NFIA: variants seen among roughly 807,000 people sequenced by gnomAD.
NFIA encodes nuclear factor I A.
A neutral mutation model predicts 62.8 loss-of-function variants in NFIA; 8 were observed. The ratio of observed to expected loss-of-function variants is 0.13; its 90% CI spans 0.07 to 0.23. The LOEUF (loss-of-function observed/expected upper bound fraction) is 0.23, where lower values mean the gene tolerates loss of function less well. Among genes scored for constraint, NFIA ranks in the 10% least tolerant of loss-of-function variants. NFIA has a pLI of 1.00. For synonymous variants in NFIA, 235 were observed against 238.1 expected (o/e 0.99, Z 0.12); for missense variants, 410 against 642.1 (o/e 0.64, Z 3.91).
At chr1:61,450,164 T>C (rs1240405797) in intron 10 of NFIA, among the ~76,000 whole-genome samples, 1 of 152,180 alleles carries the variant, frequency 6.6e-6, no homozygotes, top group Non-Finnish European at 1.5e-5. Flanking sequence ...AGGGACTATA[T>C]TTTACTCATT....
At chr1:61,396,434 A>G (rs1323027868) in intron 7 of NFIA, among the ~76,000 whole-genome samples, 4 of 152,078 alleles carry the variant, frequency 2.6e-5, no homozygotes, top group South Asian at 2.1e-4. Context: ...TTTTGTAGAG[A>G]TGAAATCTCA....
chr1:61,434,158 A>AT (rs1667227874), intron 10 of NFIA, among the ~76,000 whole-genome samples: 2 of 152,306 alleles, frequency 1.3e-5, no homozygotes, highest in Middle Eastern at 3.4e-3. Flanking sequence ...AGGGGAGACA[A>AT]TGTCTCTGAG....
At chr1:61,367,742 G>A (rs183606716) in intron 6 of NFIA, among the ~76,000 whole-genome samples, 113 of 152,236 alleles carry the variant, frequency 7.4e-4, no homozygotes, top group African/African-American at 2.6e-3. Context: ...ACAGCTCCTT[G>A]TAATTGGAGT....
chr1:61,108,523 G>T (rs1308035603), intron 2 of NFIA, among the ~76,000 whole-genome samples: 1 of 151,494 alleles, frequency 6.6e-6, no homozygotes, highest in African/African-American at 2.4e-5. Context: ...CATATCAAAT[G>T]CAAACAGTGA....
At chr1:61,252,757 A>G (rs1178711868) in intron 2 of NFIA, among the ~76,000 whole-genome samples, 1 of 152,238 alleles carries the variant, frequency 6.6e-6, no homozygotes, top group Non-Finnish European at 1.5e-5. Context: ...GAATGTACAT[A>G]CACATGCTCA....
At chr1:61,347,165 CTTTTTT>C (rs869046737) in intron 4 of NFIA, among the ~76,000 whole-genome samples, 2 of 70,110 alleles carry the variant, frequency 2.9e-5, no homozygotes, top group African/African-American at 1.3e-4. Flanking sequence ...CTGGATCCCA[CTTTTTT>C]TTTTTTTTTT....
intron 10 of NFIA, among the ~76,000 whole-genome samples, chr1:61,452,836 T>G (rs954344307): frequency 6.6e-6 from 1 of 152,234 alleles, no homozygotes; most frequent in Non-Finnish European, 1.5e-5. Context: ...TGATTTGTGT[T>G]ACTGAATACC....
intron 2 of NFIA, among the ~76,000 whole-genome samples, chr1:61,257,616 G>GC (rs1258597004): frequency 3.3e-5 from 5 of 152,056 alleles, no homozygotes; most frequent in African/African-American, 1.2e-4. Flanking sequence ...GGGATTATAG[G>GC]CGTGAGCCAC....
intron 2 of NFIA, among the ~76,000 whole-genome samples, chr1:61,245,445 G>GA (rs1033862494): frequency 3.3e-5 from 5 of 151,872 alleles, no homozygotes; most frequent in African/African-American, 4.8e-5. Context: ...TTCTTCAGGG[G>GA]AAAAAATGTT....
chr1:61,406,678 G>C lies in NFIA; in HGVS notation c.1371G>C (p.Lys457Asn). Residue 457 changes from lysine (K) to asparagine (N), a missense_variant, in exon 9 of 11, where the codon AAG (lysine) becomes AAC (asparagine). Around this residue, in one of 3 missense-constraint regions of NFIA, gnomAD observed 298 missense variants for 438.1 expected, o/e 0.68. Transcript: ENST00000403491. ...TGCCTCTGCCGGTGCCAGACACAAAGCCTCCAACCACGTCAACAGAAGGAG... is the reference window on the plus strand; with the variant it reads ...TGCCTCTGCCGGTGCCAGACACAAACCCTCCAACCACGTCAACAGAAGGAG... The part of the protein sequence containing the change: ...RPVPLPVPDT[K>N]PPTTSTEGGA... 6.2e-7 allele frequency: 1 copy of C among 1,610,942 alleles called. No individual in the cohort carries two copies. Among genetic ancestry groups the C allele is most frequent in the Non-Finnish European group, 8.5e-7 (1 of 1,178,684 alleles).
At chr1:61,231,900 A>G (rs1341820081) in intron 2 of NFIA, among the ~76,000 whole-genome samples, 1 of 152,142 alleles carries the variant, frequency 6.6e-6, no homozygotes. Context: ...GAAATAATAC[A>G]ACAGTATTGC....
At chr1:61,355,363 A>G (rs574426149) in intron 5 of NFIA, among the ~76,000 whole-genome samples, 1 of 152,306 alleles carries the variant, frequency 6.6e-6, no homozygotes, top group African/African-American at 2.4e-5. Flanking sequence ...ACTGACTGTA[A>G]GTTCTGTACC....
intron 2 of NFIA, among the ~76,000 whole-genome samples, chr1:61,247,028 CATG>C (rs770036787): frequency 3.9e-5 from 6 of 152,184 alleles, no homozygotes; most frequent in Non-Finnish European, 8.8e-5. Context: ...CCGTTTGTCT[CATG>C]ATAAGTTTTG....
intron 7 of NFIA, chr1:61,385,981 T>C (rs1443177672): frequency 6.6e-6 from 1 of 152,046 alleles, no homozygotes; most frequent in Non-Finnish European, 1.5e-5. Context: ...GGAATTGGAG[T>C]AGTTGAGATG....
At position 61,448,406 on chromosome 1, in the gene NFIA, G is replaced by A. The variant is rs532141018; in HGVS notation, c.1513-6897G>A. The stretch of plus-strand genomic sequence containing the variant: ...TTATATCATTAAATAAGAGAAAGCC[G>A]CCTTGTAGAGTGATTTGCTTTCCTG... On this transcript the variant is annotated intron_variant, in intron 10 of 10. Transcript: ENST00000403491. 3.3e-4 allele frequency among the ~76,000 whole-genome samples: 51 copies of A among 152,292 alleles called. No individual in the cohort carries two copies. In the South Asian group the frequency reaches 9.7e-3, roughly 29 times the overall value.
intron 2 of NFIA, among the ~76,000 whole-genome samples, chr1:61,203,359 A>G (rs1160599211): frequency 1.3e-5 from 2 of 152,146 alleles, no homozygotes; most frequent in Non-Finnish European, 2.9e-5. Flanking sequence ...GCTCTAGTGT[A>G]CATGTCAAAA....
intron 10 of NFIA, among the ~76,000 whole-genome samples, chr1:61,434,711 G>A (rs896096939): frequency 1.3e-5 from 2 of 152,126 alleles, no homozygotes; most frequent in Non-Finnish European, 2.9e-5. Context: ...TAAGGTCTCT[G>A]CCATAGTATC....
chr1:61,368,434 G>A (rs1663710584), intron 6 of NFIA, among the ~76,000 whole-genome samples: 1 of 152,142 alleles, frequency 6.6e-6, no homozygotes, highest in South Asian at 2.1e-4. Context: ...ATTTTAAAGA[G>A]GAAAAAGTAC....
At chr1:61,246,261 C>T (rs754622800) in intron 2 of NFIA, among the ~76,000 whole-genome samples, 5 of 151,970 alleles carry the variant, frequency 3.3e-5, no homozygotes, top group Non-Finnish European at 5.9e-5. Context: ...CAGGATCTCT[C>T]GGAAAGTTGC....
Sources: gnomAD v4.1 joint callset for allele counts (sites outside exome capture counted in the v4.1 genomes callset) on GRCh38, gnomAD v4.1.1 for gene constraint, gnomAD v4.1.1 regional missense constraint, MANE v1.5 for transcripts, NCBI Gene and HGNC (gene_info 2026-07-23, HGNC 2026-07-21) for gene names.